ADSL: variants seen among roughly 807,000 people sequenced by gnomAD.
The protein encoded by ADSL is adenylosuccinase.
ADSL carries 44 observed loss-of-function variants against 62.1 expected under a neutral mutation model. The ratio of observed to expected loss-of-function variants is 0.71; its 90% CI spans 0.56 to 0.91. ADSL has a LOEUF of 0.91. Ranked by LOEUF, ADSL falls within the 40% of genes least tolerant of loss-of-function variation. ADSL has a pLI of 0.00. For synonymous variants in ADSL, 198 were observed against 220.5 expected (o/e 0.90, Z 0.90); for missense variants, 531 against 627.4 (o/e 0.85, Z 1.64).
Position 40,353,530 on chromosome 22 carries a change from C to A in ADSL, c.402+413C>A, listed in dbSNP as rs779865066. On this transcript the variant is annotated intron_variant, in intron 3 of 12. Coordinates refer to ENST00000623063, the MANE Select transcript of ADSL (RefSeq NM_000026.4). The stretch of plus-strand genomic sequence containing the variant: ...AACTCCTGAGCTCAAGGGATCCACC[C>A]GTCTTGGCCTTTCAAAGTGTTGGGA... 3 of 629,786 alleles carry A rather than the reference C, an allele frequency of 4.8e-6. No homozygotes were observed. In the East Asian group the frequency reaches 8.4e-5, roughly 18 times the overall value. 39.0% of individuals were successfully genotyped at this position (629,786 alleles called of 1,614,324 possible).
In ADSL at chr22:40,361,635, G is replaced by T. The variant is rs1411730717; in HGVS notation, c.1010G>T (p.Arg337Leu). Residue 337 changes from arginine (R) to leucine (L), a missense_variant and splice_region_variant, in exon 9 of 13, where the codon CGA (arginine) becomes CTA (leucine). This residue lies in a region of ADSL where 471 missense variants were observed against 592.9 expected (regional missense o/e 0.79). Transcript: ENST00000623063. ...CGCACACTGGATGATAGTGCCAACC[G>T]GTCAGTGGCACAGGGACATCACATA... ...FERTLDDSAN[R>L]RICLAEAFLT... is the part of the protein sequence containing the mutation. 6.2e-7 allele frequency: 1 copy of T among 1,612,818 alleles called. No homozygotes were observed. The highest frequency in any genetic ancestry group is 8.5e-7 in the Non-Finnish European group (1 of 1,180,028).
chr22:40,354,136 T>G lies in ADSL; in HGVS notation c.403-112T>G, dbSNP rs892895544. The stretch of plus-strand genomic sequence containing the variant: ...GATGGAAGGATATGGCTGCTGCCTT[T>G]CATGAGTTAGCGGTCTAATTTTATA... On this transcript the variant is annotated intron_variant, in intron 3 of 12. Coordinates refer to ENST00000623063, the MANE Select transcript of ADSL (RefSeq NM_000026.4). The G allele has an allele frequency of 3.0e-6, 3 of 983,942 alleles. No homozygotes were observed. In the African/African-American group the frequency reaches 4.8e-5, roughly 16 times the overall value. 61.0% of individuals were successfully genotyped at this position (983,942 alleles called of 1,614,324 possible).
chr22:40,356,208 A>G (rs1056411840), intron 4 of ADSL, among the ~76,000 whole-genome samples: 2 of 150,512 alleles, frequency 1.3e-5, no homozygotes, highest in Non-Finnish European at 3.0e-5. Context: ...CCTCAAAAAA[A>G]AAAAAGAAAA....
chr22:40,373,738 C>G (rs920628318), downstream of ADSL, among the ~76,000 whole-genome samples: 1 of 151,634 alleles, frequency 6.6e-6, no homozygotes, highest in Non-Finnish European at 1.5e-5. Context: ...GCCTCAGCCT[C>G]CCGAGTAGCT....
In ADSL at chr22:40,366,494, T is replaced by G; in HGVS notation, c.1427T>G (p.Met476Arg). Residue 476 changes from methionine (M) to arginine (R), a missense_variant, in exon 13 of 13, where the codon ATG becomes AGG. Met to Arg is a moderately conservative substitution (Grantham distance 91, BLOSUM62 -1). Around this residue, in one of 2 missense-constraint regions of ADSL, gnomAD observed 471 missense variants for 592.9 expected, o/e 0.79. Transcript: ENST00000623063. Reference protein sequence around the residue: ...YPLLKPYESVMKVKAELCL With the variant: ...YPLLKPYESVRKVKAELCL ...CTGTTAAAACCATATGAAAGCGTGA[T>G]GAAGGTGAAAGCAGAATTATGTCTG... 3 of 1,613,198 alleles carry G rather than the reference T, an allele frequency of 1.9e-6. No homozygotes were observed. The highest frequency in any genetic ancestry group is 2.5e-6 in the Non-Finnish European group (3 of 1,179,192).
At chr22:40,348,668 G>A in intron 1 of ADSL, 1 of 398,470 alleles carries the variant, frequency 2.5e-6, no homozygotes, top group Non-Finnish European at 4.4e-6. Context: ...TACCTGGCCT[G>A]ACTTTTTACT....
At chr22:40,359,733 A>G (rs1274605170) in intron 6 of ADSL, among the ~76,000 whole-genome samples, 1 of 151,884 alleles carries the variant, frequency 6.6e-6, no homozygotes, top group Admixed American at 6.6e-5. Flanking sequence ...TGTAGAGACC[A>G]TGTTGCCCAG....
downstream of ADSL, among the ~76,000 whole-genome samples, chr22:40,372,474 G>A (rs2045776208): frequency 6.6e-6 from 1 of 152,080 alleles, no homozygotes; most frequent in Non-Finnish European, 1.5e-5. Context: ...GAGGGGAGAG[G>A]GTGAGGTGTC....
chr22:40,377,963 C>G (rs1479760737), intron 2 of ADSL, among the ~76,000 whole-genome samples: 1 of 152,084 alleles, frequency 6.6e-6, no homozygotes, highest in Non-Finnish European at 1.5e-5. Context: ...CAAAGTACCC[C>G]TAAAAAGACC....
chr22:40,374,367 G>T (rs1353171413), downstream of ADSL, among the ~76,000 whole-genome samples: 1 of 152,200 alleles, frequency 6.6e-6, no homozygotes, highest in African/African-American at 2.4e-5. Context: ...TGTCAAGACT[G>T]CGTGCTTAGG....
chr22:40,376,169 A>C (rs2046522364), intron 2 of ADSL: 1 of 143,088 alleles, frequency 7.0e-6, no homozygotes, highest in African/African-American at 2.6e-5. Context: ...GGTTAAAGTC[A>C]AATTACCACT....
intron 2 of ADSL, among the ~76,000 whole-genome samples, chr22:40,385,788 A>C (rs17001872): frequency 0.023 from 3,519 of 152,322 alleles, 132 homozygotes; most frequent in African/African-American, 0.081. Flanking sequence ...CGTGAAGATA[A>C]ATAGCATGTG....
chr22:40,377,146 C>T lies in ADSL; in HGVS notation c.89+10648C>T, dbSNP rs191386032. On this transcript the variant is annotated intron_variant, in intron 2 of 2. Transcript: ENST00000498234. ...GCCTGTCCAGCATCCAATCCAGGTT[C>T]TTCTGGGGATAACAGCTCAATTTTG... 2.0e-3 allele frequency among the ~76,000 whole-genome samples: 303 copies of T among 152,292 alleles called. 1 individual carries two copies. Among genetic ancestry groups the T allele is most frequent in the African/African-American group, 6.9e-3 (287 of 41,566 alleles).
chr22:40,356,870 G>A (rs1041573721), intron 4 of ADSL, among the ~76,000 whole-genome samples: 2 of 151,994 alleles, frequency 1.3e-5, no homozygotes, highest in African/African-American at 4.8e-5. Flanking sequence ...GGACATTAGG[G>A]CAACTTATTC....
intron 12 of ADSL, among the ~76,000 whole-genome samples, 198 bp downstream of exon 12, chr22:40,365,254 T>G (rs1244490795): frequency 6.6e-6 from 1 of 152,158 alleles, no homozygotes; most frequent in East Asian, 1.9e-4. Flanking sequence ...TCATCCAGGC[T>G]GGAGTGCAGT....
intron 2 of ADSL, among the ~76,000 whole-genome samples, chr22:40,375,722 A>G (rs1215087017): frequency 2.0e-5 from 3 of 151,044 alleles, no homozygotes; most frequent in African/African-American, 4.9e-5. Flanking sequence ...TTCTCTAGAT[A>G]TCTAATTAGC....
intron 7 of ADSL, among the ~76,000 whole-genome samples, chr22:40,360,792 G>T (rs1237940697): frequency 6.7e-6 from 1 of 150,014 alleles, no homozygotes; most frequent in African/African-American, 2.5e-5. Flanking sequence ...GTATGATCTC[G>T]GCTCACTGCA....
rs998350704 is a variant in ADSL, at chr22:40,353,862, G to A, written c.403-386G>A. On this transcript the variant is annotated intron_variant, in intron 3 of 12. Transcript: ENST00000623063. The stretch of plus-strand genomic sequence containing the variant: ...AGGATGATCTGGATCTTCTGACCTC[G>A]TGATCCGCCCGTCTTGGCCTCACAA... The A allele has an allele frequency of 1.4e-4, 44 of 311,860 alleles. No individual in the cohort carries two copies. In the Admixed American group the frequency reaches 1.5e-3, roughly 11 times the overall value. 19.3% of individuals were successfully genotyped at this position (311,860 alleles called of 1,614,324 possible). A position where few individuals can be genotyped will look rare whatever the true frequency, so the allele number is the denominator to read the frequency against.
chr22:40,365,072 G>A lies in ADSL; in HGVS notation c.1368+16G>A, dbSNP rs769086908. The A allele has an allele frequency of 3.1e-6, 5 of 1,609,678 alleles. No individual in the cohort carries two copies. In the South Asian group the frequency reaches 3.3e-5, roughly 11 times the overall value. On this transcript the variant is annotated intron_variant, in intron 12 of 12. Coordinates refer to ENST00000623063, the MANE Select transcript of ADSL (RefSeq NM_000026.4). The stretch of plus-strand genomic sequence containing the variant: ...CTCCCAGCAGGTAAGCTTCCAAGAA[G>A]CCTCTTTTCTGCTGGGCTGCAGAAC...
Sources: allele counts gnomAD v4.1 joint callset (sites outside exome capture counted in the v4.1 genomes callset), GRCh38; gene constraint gnomAD v4.1.1; regional missense constraint gnomAD v4.1.1; transcripts MANE v1.5; gene names NCBI Gene and HGNC (gene_info 2026-07-23, HGNC 2026-07-21).